TRPC4AP: variants seen among roughly 807,000 people sequenced by gnomAD.
TRPC4AP encodes short transient receptor potential channel 4-associated protein.
A neutral mutation model predicts 99.0 loss-of-function variants in TRPC4AP; 45 were observed. That is an observed-to-expected ratio of 0.45 (90% CI 0.36 to 0.58). The LOEUF (loss-of-function observed/expected upper bound fraction) is 0.58. Among genes scored for constraint, TRPC4AP ranks in the 20% least tolerant of loss-of-function variants. The pLI is 0.00. For synonymous variants in TRPC4AP, 408 were observed against 385.8 expected (o/e 1.06, Z -0.67); for missense variants, 879 against 985.3 (o/e 0.89, Z 1.44).
At chr20:35,060,649 G>A (rs1454863763) in intron 3 of TRPC4AP, among the ~76,000 whole-genome samples, 1 of 148,988 alleles carries the variant, frequency 6.7e-6, no homozygotes, top group African/African-American at 2.5e-5. Flanking sequence ...ATGACAAAGT[G>A]GAATTTATCC....
chr20:35,042,267 C>T (rs983780539), intron 7 of TRPC4AP, among the ~76,000 whole-genome samples: 1 of 152,192 alleles, frequency 6.6e-6, no homozygotes, highest in African/African-American at 2.4e-5. Flanking sequence ...AGTCCACAAA[C>T]TTCTACCTTT....
intron 3 of TRPC4AP, among the ~76,000 whole-genome samples, chr20:35,059,239 A>T (rs956202169): frequency 9.9e-5 from 15 of 152,218 alleles, no homozygotes; most frequent in Non-Finnish European, 2.2e-4. Context: ...AGAGGGCATT[A>T]CCACCAACCT....
At chr20:35,005,372 C>T (rs552009413) in intron 16 of TRPC4AP, among the ~76,000 whole-genome samples, 39 of 152,370 alleles carry the variant, frequency 2.6e-4, no homozygotes, top group African/African-American at 8.9e-4. Flanking sequence ...ATGCCTGCTG[C>T]ACCACAGGGC....
intron 3 of TRPC4AP, among the ~76,000 whole-genome samples, chr20:35,064,389 A>C (rs1249000252): frequency 1.3e-5 from 2 of 152,226 alleles, no homozygotes; most frequent in Non-Finnish European, 2.9e-5. Flanking sequence ...AGGGTCTGAG[A>C]AAGCCTCTGC....
chr20:35,076,075 C>T (rs2084471596), intron 2 of TRPC4AP, among the ~76,000 whole-genome samples: 1 of 152,176 alleles, frequency 6.6e-6, no homozygotes, highest in African/African-American at 2.4e-5. Context: ...GTGCATGCGT[C>T]ACGTAGTTTT....
Position 35,010,182 on chromosome 20 carries a change from C to T in TRPC4AP, c.1511+5G>A. The T allele has an allele frequency of 6.2e-7, 1 of 1,613,806 alleles. No homozygotes were observed. On this transcript the variant is annotated splice_donor_5th_base_variant and intron_variant, in intron 12 of 18. Transcript: ENST00000252015. ...CTGAGGGAAAAGCTGCACCCCTGCACTCACCTGTCGGTGTTGAGGACAGCT... is the reference window on the plus strand; with the variant it reads ...CTGAGGGAAAAGCTGCACCCCTGCATTCACCTGTCGGTGTTGAGGACAGCT...
chr20:35,089,337 C>T lies in TRPC4AP; in HGVS notation c.168+3277G>A, dbSNP rs975054482. Among the ~76,000 whole-genome samples the T allele has an allele frequency of 3.9e-5, 6 of 151,950 alleles. No individual in the cohort carries two copies. The East Asian group carries it at 7.7e-4, about 20-fold the overall frequency. ...GACTTGCCAGGCTCAAGCGATCTTC[C>T]CACCTCGGGTTCCTGAGCAGCTGGG... On this transcript the variant is annotated intron_variant, in intron 1 of 18. Coordinates refer to ENST00000252015, the MANE Select transcript of TRPC4AP (RefSeq NM_015638.3).
intron 8 of TRPC4AP, among the ~76,000 whole-genome samples, chr20:35,033,383 C>T (rs189851319): frequency 6.6e-6 from 1 of 152,264 alleles, no homozygotes; most frequent in East Asian, 1.9e-4. Context: ...TGGGCATGTA[C>T]AGAGTCTCCC....
At position 35,003,556 on chromosome 20, in the gene TRPC4AP, G is replaced by A. The variant is rs958962560; in HGVS notation, c.2110C>T (p.Arg704Trp). ...AGCAGCCGCAGGTACAGGGGCAGCC[G>A]CTCTTTCCGTCGGGCCAGCATCAGG... ...VILMLARRKERLPLYLRLLQR... is the reference protein window; with the variant it reads ...VILMLARRKEWLPLYLRLLQR... Residue 704 changes from arginine (R) to tryptophan (W), a missense_variant, in exon 18 of 19, where the codon CGG becomes TGG. Physicochemically the swap from Arg to Trp is moderately radical, Grantham distance 101. Coordinates refer to ENST00000252015, the MANE Select transcript of TRPC4AP (RefSeq NM_015638.3). The A allele has an allele frequency of 4.3e-6, 7 of 1,613,824 alleles. No individual in the cohort carries two copies. Among genetic ancestry groups the A allele is most frequent in the East Asian group, 2.2e-5 (1 of 44,878 alleles).
intron 6 of TRPC4AP, 119 bp from the exon 7 acceptor site, chr20:35,044,831 C>T (rs1026021023): frequency 2.2e-6 from 2 of 903,138 alleles, no homozygotes; most frequent in East Asian, 5.1e-5. Flanking sequence ...AGGTTCCTAT[C>T]CCAGCTCTGT....
chr20:35,056,210 C>T (rs1334869212), intron 4 of TRPC4AP, among the ~76,000 whole-genome samples: 1 of 152,182 alleles, frequency 6.6e-6, no homozygotes, highest in Non-Finnish European at 1.5e-5. Context: ...CAGGGTGAAA[C>T]ACTGCTCTGC....
At chr20:35,086,591 A>G (rs2084890480) in intron 1 of TRPC4AP, among the ~76,000 whole-genome samples, 1 of 148,390 alleles carries the variant, frequency 6.7e-6, no homozygotes. Context: ...ATATATGAAT[A>G]AGACTTTATC....
chr20:35,051,033 TACACACAC>T (rs34091819), intron 5 of TRPC4AP, among the ~76,000 whole-genome samples: 83 of 144,994 alleles, frequency 5.7e-4, no homozygotes, highest in African/African-American at 1.6e-3. Context: ...TGCTATAGCT[TACACACAC>T]ACACACACAC....
At chr20:35,069,262 G>GT in intron 3 of TRPC4AP, 34 bp downstream of exon 3, 1 of 1,206,458 alleles carries the variant, frequency 8.3e-7, no homozygotes, top group Non-Finnish European at 1.2e-6. Flanking sequence ...TTAAGCAGTA[G>GT]TAACAGCAGT....
chr20:35,050,712 CAA>C (rs77989763), intron 5 of TRPC4AP, among the ~76,000 whole-genome samples: 9 of 139,518 alleles, frequency 6.5e-5, no homozygotes, highest in East Asian at 4.1e-4. Flanking sequence ...GACCCTAACT[CAA>C]AAAAAAAAAC....
In TRPC4AP at chr20:35,045,167, CATT is replaced by C. The variant is rs905229532; in HGVS notation, c.658-458_658-456del. Among the ~76,000 whole-genome samples, 59 of 152,228 alleles carry C rather than the reference CATT, an allele frequency of 3.9e-4. 1 individual carries two copies. The highest frequency in any genetic ancestry group is 1.4e-3 in the African/African-American group (59 of 41,534). ...TTTTTTCTCTCCCTGCAGACGTAAA[CATT>C]ATTTTGAACTCTGTGTTTATTATTC... On this transcript the variant is annotated intron_variant, in intron 6 of 18. Coordinates refer to ENST00000252015, the MANE Select transcript of TRPC4AP (RefSeq NM_015638.3).
chr20:35,034,773 A>G (rs2083280409), intron 8 of TRPC4AP, among the ~76,000 whole-genome samples: 1 of 152,170 alleles, frequency 6.6e-6, no homozygotes, highest in African/African-American at 2.4e-5. Context: ...GGTAGGGTAC[A>G]GTGAGAGAGA....
intron 7 of TRPC4AP, among the ~76,000 whole-genome samples, chr20:35,037,667 C>T (rs2083352050): frequency 6.6e-6 from 1 of 152,216 alleles, no homozygotes; most frequent in Admixed American, 6.5e-5. Flanking sequence ...CAGAAGGCCA[C>T]ATGCTATATG....
intron 11 of TRPC4AP, 41 bp from the exon 12 acceptor site, chr20:35,010,329 G>A (rs112621890): frequency 7.1e-6 from 11 of 1,552,122 alleles, no homozygotes; most frequent in African/African-American, 2.7e-5. Flanking sequence ...GACAGGAACT[G>A]GGGCTGCTGG....
Sources: allele counts gnomAD v4.1 joint callset (sites outside exome capture counted in the v4.1 genomes callset), GRCh38; gene constraint gnomAD v4.1.1; transcripts MANE v1.5; gene names NCBI Gene and HGNC (gene_info 2026-07-23, HGNC 2026-07-21).